The following ZNF385D variants were observed in gnomAD, a reference collection of about 807,000 sequenced individuals.
The protein encoded by ZNF385D is zinc finger protein 385D.
A neutral mutation model predicts 35.8 loss-of-function variants in ZNF385D; 15 were observed. The ratio of observed to expected loss-of-function variants is 0.42; its 90% CI spans 0.28 to 0.64. The LOEUF (loss-of-function observed/expected upper bound fraction) is 0.64. Ranked by LOEUF, ZNF385D falls within the 30% of genes least tolerant of loss-of-function variation. The pLI, the probability that ZNF385D is intolerant of heterozygous loss-of-function variation, is 0.23. For synonymous variants in ZNF385D, 212 were observed against 186.8 expected (o/e 1.13, Z -1.10); for missense variants, 474 against 494.6 (o/e 0.96, Z 0.39).
intron 3 of ZNF385D, among the ~76,000 whole-genome samples, chr3:22,015,348 T>A (rs998458786): frequency 1.3e-5 from 2 of 152,160 alleles, no homozygotes; most frequent in African/African-American, 4.8e-5. Flanking sequence ...CCATAATGCA[T>A]CATACAGAGA....
At chr3:21,805,091 G>C (rs1243825376) in intron 3 of ZNF385D, among the ~76,000 whole-genome samples, 2 of 152,180 alleles carry the variant, frequency 1.3e-5, no homozygotes, top group East Asian at 1.9e-4. Context: ...ATTAAGGAAA[G>C]TGACTCTAAT....
chr3:21,424,976 T>G (rs1378261458), intron 6 of ZNF385D, among the ~76,000 whole-genome samples: 1 of 152,158 alleles, frequency 6.6e-6, no homozygotes, highest in Non-Finnish European at 1.5e-5. Context: ...ATAGTAAAAA[T>G]GAACACAACT....
At chr3:21,443,242 C>G (rs1701958829) in intron 4 of ZNF385D, 4 of 985,352 alleles carry the variant, frequency 4.1e-6, no homozygotes, top group Non-Finnish European at 4.8e-6. Context: ...TCTGTTCTTA[C>G]AAATCTGCTT....
chr3:22,011,277 C>G lies in ZNF385D; in HGVS notation c.325+157540G>C, dbSNP rs77321002. ...TGGATAGATGGTTATTTTAAAATAT[C>G]TAAAATATTGAAGAGCAGTATTCTT... is the stretch of plus-strand genomic sequence containing the variant. On this transcript the variant is annotated intron_variant, in intron 3 of 5. Coordinates refer to the ZNF385D transcript ENST00000494108. Among the ~76,000 whole-genome samples, 385 of 152,016 alleles carry G rather than the reference C, an allele frequency of 2.5e-3. 2 individuals are homozygous for G. The highest frequency in any genetic ancestry group is 8.8e-3 in the African/African-American group (366 of 41,486).
At chr3:22,297,654 T>C (rs1366869406) in intron 2 of ZNF385D, among the ~76,000 whole-genome samples, 1 of 152,056 alleles carries the variant, frequency 6.6e-6, no homozygotes, top group Non-Finnish European at 1.5e-5. Flanking sequence ...AGGCTGTTCT[T>C]TTCTTCCTAC....
Position 22,195,600 on chromosome 3 carries a change from G to A in ZNF385D, c.107-26565C>T, listed in dbSNP as rs556669508. Among the ~76,000 whole-genome samples, 34 of 151,996 alleles carry A rather than the reference G, an allele frequency of 2.2e-4. No homozygotes were observed. In the East Asian group the frequency reaches 6.4e-3, roughly 29 times the overall value. The stretch of plus-strand genomic sequence containing the variant: ...TCCAAACATTACGAGTGACTTACAG[G>A]TTTTTATTTATATTCTGAAATTTTC... On this transcript the variant is annotated intron_variant, in intron 2 of 5. Transcript: ENST00000494108.
chr3:22,013,583 A>G (rs1374332184), intron 3 of ZNF385D, among the ~76,000 whole-genome samples: 1 of 152,192 alleles, frequency 6.6e-6, no homozygotes, highest in Non-Finnish European at 1.5e-5. Context: ...CCACTGGTGC[A>G]GGCAGCAGGA....
chr3:22,372,279 C>G (rs1283933477), intron 2 of ZNF385D, among the ~76,000 whole-genome samples: 1 of 152,106 alleles, frequency 6.6e-6, no homozygotes, highest in East Asian at 1.9e-4. Context: ...TGCGGGATAC[C>G]GAAAAGGTGG....
chr3:21,859,329 G>A (rs1352962993), intron 3 of ZNF385D, among the ~76,000 whole-genome samples: 3 of 151,788 alleles, frequency 2.0e-5, no homozygotes, highest in Admixed American at 6.6e-5. Context: ...TGGCGGCCCA[G>A]AAGTTGGAGA....
chr3:21,421,414 G>A lies in ZNF385D; in HGVS notation c.988C>T (p.Pro330Ser), dbSNP rs752115344. 1.2e-6 allele frequency: 2 copies of A among 1,613,578 alleles called. No homozygotes were observed. The highest frequency in any genetic ancestry group is 2.2e-5 in the South Asian group (2 of 91,042). ...KLVFSKEPSKPLAPRILPNPL... is the reference protein window; with the variant it reads ...KLVFSKEPSKSLAPRILPNPL... ...TTTGGTAGAATTCGTGGAGCCAATGGCTTTGAAGGTTCTTTTGAAAATACT... is the reference window on the plus strand; with the variant it reads ...TTTGGTAGAATTCGTGGAGCCAATGACTTTGAAGGTTCTTTTGAAAATACT... Residue 330 changes from proline to serine, a missense_variant, in exon 8 of 8, where the codon CCA becomes TCA. Transcript: ENST00000281523.
At position 21,726,163 on chromosome 3, in the gene ZNF385D, C is replaced by T. The variant is rs147459514; in HGVS notation, c.22+24732G>A. Among the ~76,000 whole-genome samples, 503 of 152,070 alleles carry T rather than the reference C, an allele frequency of 3.3e-3. 5 individuals are homozygous for T. Among genetic ancestry groups the T allele is most frequent in the African/African-American group, 0.012 (487 of 41,512 alleles). On this transcript the variant is annotated intron_variant, in intron 1 of 7. Transcript: ENST00000281523. The stretch of plus-strand genomic sequence containing the variant: ...TAAAAACTCTCAATAAACTAGATAT[C>T]GATGGAACATATTTCAAAATAATAA...
At chr3:22,325,427 C>G (rs1156298363) in intron 2 of ZNF385D, among the ~76,000 whole-genome samples, 1 of 152,070 alleles carries the variant, frequency 6.6e-6, no homozygotes, top group Non-Finnish European at 1.5e-5. Context: ...TTCTGGAAAA[C>G]TGTATAATAC....
At chr3:21,681,298 T>TTAAAAAA (rs367942289) in intron 1 of ZNF385D, among the ~76,000 whole-genome samples, 2 of 64,474 alleles carry the variant, frequency 3.1e-5, no homozygotes, top group Admixed American at 5.3e-4. Flanking sequence ...ATTCCATCAG[T>TTAAAAAA]AAAAAAAAAA....
At chr3:21,655,117 C>A (rs371265323) in intron 2 of ZNF385D, among the ~76,000 whole-genome samples, 3 of 151,834 alleles carry the variant, frequency 2.0e-5, no homozygotes, top group Admixed American at 6.6e-5. Flanking sequence ...CAAAAAACAA[C>A]AACAACAACA....
At chr3:22,081,033 G>A (rs1451597384) in intron 3 of ZNF385D, among the ~76,000 whole-genome samples, 2 of 152,022 alleles carry the variant, frequency 1.3e-5, no homozygotes, top group Admixed American at 6.6e-5. Context: ...ATACACACAT[G>A]CACACACATA....
At chr3:22,316,522 A>T (rs1023571476) in intron 2 of ZNF385D, among the ~76,000 whole-genome samples, 1 of 152,230 alleles carries the variant, frequency 6.6e-6, no homozygotes, top group African/African-American at 2.4e-5. Context: ...TGATGGTAGA[A>T]GGAAAAAGTG....
chr3:21,816,517 G>A (rs533313869), intron 3 of ZNF385D, among the ~76,000 whole-genome samples: 1 of 152,148 alleles, frequency 6.6e-6, no homozygotes, highest in African/African-American at 2.4e-5. Context: ...AATATCACAA[G>A]CATTCCTATG....
intron 3 of ZNF385D, among the ~76,000 whole-genome samples, chr3:21,790,446 T>C (rs545478499): frequency 6.6e-6 from 1 of 151,338 alleles, no homozygotes; most frequent in East Asian, 1.9e-4. Flanking sequence ...GTGATTGCTG[T>C]TTCTTTGTAA....
chr3:21,722,022 C>T (rs553260562), intron 1 of ZNF385D, among the ~76,000 whole-genome samples: 1 of 151,334 alleles, frequency 6.6e-6, no homozygotes, highest in East Asian at 2.0e-4. Context: ...ATCACTTGAA[C>T]CCGGGAGGCG....
Sources: gnomAD v4.1 joint callset for allele counts (sites outside exome capture counted in the v4.1 genomes callset) on GRCh38, gnomAD v4.1.1 for gene constraint, MANE v1.5 for transcripts, NCBI Gene and HGNC (gene_info 2026-07-23, HGNC 2026-07-21) for gene names.